TLE4: variants seen among roughly 807,000 people sequenced by gnomAD.
TLE4 encodes TLE family member 4, transcriptional corepressor, also known as transducin-like enhancer protein 4.
A neutral mutation model predicts 92.8 loss-of-function variants in TLE4; 8 were observed. The ratio of observed to expected loss-of-function variants is 0.09; its 90% CI spans 0.05 to 0.16. The LOEUF is 0.16. Ranked by LOEUF, TLE4 falls within the 10% of genes least tolerant of loss-of-function variation. The probability of loss-of-function intolerance (pLI) is 1.00; values close to 1 mark genes in which losing one functional copy is unlikely to be tolerated. For missense variants in TLE4, 675 were observed against 997.6 expected, an observed-to-expected ratio of 0.68 and a Z score of 4.36; for synonymous variants, 371 against 374.1, an observed-to-expected ratio of 0.99 and a Z score of 0.10.
At chr9:79,573,615 C>A in intron 1 of TLE4, 74 bp from the exon 2 acceptor site, 2 of 1,272,640 alleles carry the variant, frequency 1.6e-6, no homozygotes, top group Non-Finnish European at 2.2e-6. Flanking sequence ...GCTAACGCCG[C>A]ATAGTAGGTT....
In TLE4 at chr9:79,708,194, A is replaced by C; in HGVS notation, c.1013A>C (p.Asn338Thr). Residue 338 changes from asparagine (N) to threonine (T), a missense_variant, in exon 12 of 20, where the codon AAC becomes ACC. Physicochemically the swap from Asn to Thr is moderately conservative, Grantham distance 65 (BLOSUM62 0). This residue lies in a region of TLE4 where 280 missense variants were observed against 287.3 expected (regional missense o/e 0.97). Transcript: ENST00000376552. The stretch of plus-strand genomic sequence containing the variant: ...ACTGATGCGCCCACCCCAGGCAGTA[A>C]CTCTACTCCCGGATTGAGGCCTGTA... Reference protein sequence around the residue: ...PRTDAPTPGSNSTPGLRPVPG... With the variant: ...PRTDAPTPGSTSTPGLRPVPG... 1 of 1,614,088 alleles carries C rather than the reference A, an allele frequency of 6.2e-7. No individual in the cohort carries two copies. Among genetic ancestry groups the C allele is most frequent in the Non-Finnish European group, 8.5e-7 (1 of 1,180,008 alleles).
chr9:79,573,144 G>A (rs1000210733), intron 1 of TLE4: 8 of 728,930 alleles, frequency 1.1e-5, no homozygotes, highest in Non-Finnish European at 1.4e-5. Context: ...GAGCGATGAA[G>A]GAGGCGCGAC....
At chr9:79,611,936 T>TAAA (rs34106000) in intron 4 of TLE4, among the ~76,000 whole-genome samples, 3 of 78,412 alleles carry the variant, frequency 3.8e-5, no homozygotes, top group Non-Finnish European at 8.5e-5. Context: ...ATATCCACAG[T>TAAA]AAAAAAAAAA....
At chr9:79,662,220 A>C (rs1030543061) in intron 8 of TLE4, among the ~76,000 whole-genome samples, 4 of 152,056 alleles carry the variant, frequency 2.6e-5, no homozygotes, top group African/African-American at 9.7e-5. Context: ...ATGGAAATGG[A>C]CTCATTATTT....
chr9:79,713,851 TTTGTTGTTGTTGTTG>T lies in TLE4; in HGVS notation c.1340+4167_1340+4181del, dbSNP rs146268539. Reference sequence around the variant, plus strand: ...TAAATTGTTGGAATAATTGTTGTTGTTTGTTGTTGTTGTTGTTGTTGTTGTTGTTTGAGAGAGAGT... The same window carrying T: ...TAAATTGTTGGAATAATTGTTGTTGTTTGTTGTTGTTGTTTGAGAGAGAGT... On this transcript the variant is annotated intron_variant, in intron 14 of 19. Transcript: ENST00000376552. Among the ~76,000 whole-genome samples, 12 of 150,250 alleles carry T rather than the reference TTTGTTGTTGTTGTTG, an allele frequency of 8.0e-5. 1 individual carries two copies. Among genetic ancestry groups the T allele is most frequent in the African/African-American group, 2.9e-4 (12 of 40,738 alleles).
intron 8 of TLE4, among the ~76,000 whole-genome samples, chr9:79,678,514 G>A (rs11138320): frequency 0.53 from 80,072 of 151,676 alleles, 23,758 homozygotes; most frequent in East Asian, 0.7. Context: ...CACTGTATCT[G>A]AGAAAAAACA....
chr9:79,573,877 G>C lies in TLE4; in HGVS notation c.143+91G>C, dbSNP rs185472708. The stretch of plus-strand genomic sequence containing the variant: ...CAAACACTTACCCTCCTCCTTTTTT[G>C]TGGGGGCGTCACAAAGGTATTATTT... On this transcript the variant is annotated intron_variant, in intron 2 of 19. Transcript: ENST00000376552. 2.2e-5 allele frequency: 20 copies of C among 898,012 alleles called. No homozygotes were observed. In the Admixed American group the frequency reaches 3.7e-4, roughly 17 times the overall value. 55.6% of individuals were successfully genotyped at this position (898,012 alleles called of 1,614,324 possible).
At chr9:79,671,817 G>A (rs529479681) in intron 8 of TLE4, among the ~76,000 whole-genome samples, 1 of 151,890 alleles carries the variant, frequency 6.6e-6, no homozygotes, top group South Asian at 2.1e-4. Flanking sequence ...GGTTCAGCAA[G>A]GGGAGGTTAA....
At chr9:79,685,247 A>G (rs1417053090) in intron 8 of TLE4, among the ~76,000 whole-genome samples, 1 of 152,200 alleles carries the variant, frequency 6.6e-6, no homozygotes, top group East Asian at 1.9e-4. Flanking sequence ...CCTGCTGGGT[A>G]ATTTGTATAC....
chr9:79,604,120 A>C (rs758886961), intron 4 of TLE4, among the ~76,000 whole-genome samples: 5 of 152,122 alleles, frequency 3.3e-5, no homozygotes, highest in South Asian at 2.1e-4. Flanking sequence ...GAGTGGGAGG[A>C]GGACGAGTAA....
At chr9:79,632,844 G>A (rs2054666360) in intron 6 of TLE4, among the ~76,000 whole-genome samples, 1 of 152,102 alleles carries the variant, frequency 6.6e-6, no homozygotes, top group Admixed American at 6.5e-5. Context: ...GGAGCTTAAA[G>A]GCTTTATAAA....
At chr9:79,682,594 C>G (rs2135322146) in intron 8 of TLE4, among the ~76,000 whole-genome samples, 1 of 152,270 alleles carries the variant, frequency 6.6e-6, no homozygotes, top group East Asian at 1.9e-4. Flanking sequence ...GAGGAATGTT[C>G]AGGCAGGTGT....
chr9:79,574,790 A>T, intron 2 of TLE4, 83 bp from the exon 3 acceptor site: 2 of 1,132,830 alleles, frequency 1.8e-6, no homozygotes, highest in Non-Finnish European at 2.6e-6. Context: ...AGTTGTTTGT[A>T]GGTGAGATTT....
At chr9:79,584,978 T>G (rs1444166535) in intron 4 of TLE4, among the ~76,000 whole-genome samples, 5 of 152,226 alleles carry the variant, frequency 3.3e-5, no homozygotes, top group Admixed American at 3.3e-4. Flanking sequence ...TTACTATTAA[T>G]AGGTCTGTGT....
intron 4 of TLE4, among the ~76,000 whole-genome samples, chr9:79,607,637 C>A (rs1490228522): frequency 1.3e-5 from 2 of 152,104 alleles, no homozygotes; most frequent in African/African-American, 4.8e-5. Flanking sequence ...GGAATCCTTT[C>A]CCCATTGCTT....
intron 17 of TLE4, 78 bp from the exon 18 acceptor site, chr9:79,722,373 A>T: frequency 6.7e-7 from 1 of 1,493,934 alleles, no homozygotes; most frequent in Admixed American, 2.0e-5. Flanking sequence ...AGTAGTATCT[A>T]CAGAAGAGAT....
At chr9:79,639,580 C>G (rs1159337673) in intron 6 of TLE4, among the ~76,000 whole-genome samples, 2 of 152,070 alleles carry the variant, frequency 1.3e-5, no homozygotes, top group Non-Finnish European at 2.9e-5. Context: ...TCCAGTCTTG[C>G]CAGTTTCATT....
intron 6 of TLE4, among the ~76,000 whole-genome samples, chr9:79,648,246 C>T (rs111422512): frequency 0.013 from 1,912 of 152,202 alleles, 23 homozygotes; most frequent in Non-Finnish European, 0.02. Flanking sequence ...GTATTGAGTT[C>T]TCGCTATGTT....
chr9:79,625,552 A>G (rs914266569), intron 5 of TLE4, among the ~76,000 whole-genome samples: 52 of 151,766 alleles, frequency 3.4e-4, no homozygotes, highest in Admixed American at 1.6e-3. Context: ...TCCCATAAAC[A>G]TTTCTATCCT....
Sources: gnomAD v4.1 joint callset for allele counts (sites outside exome capture counted in the v4.1 genomes callset) on GRCh38, gnomAD v4.1.1 for gene constraint, gnomAD v4.1.1 regional missense constraint, MANE v1.5 for transcripts, NCBI Gene and HGNC (gene_info 2026-07-23, HGNC 2026-07-21) for gene names.